Variants in INPP4B observed in about 807,000 individuals in gnomAD.
INPP4B encodes the protein inositol polyphosphate-4-phosphatase type II B.
A neutral mutation model predicts 122.5 loss-of-function variants in INPP4B; 55 were observed. That is an observed-to-expected ratio of 0.45 (90% CI 0.36 to 0.56). The LOEUF (loss-of-function observed/expected upper bound fraction) is 0.56. Among genes scored for constraint, INPP4B ranks in the 20% least tolerant of loss-of-function variants. The probability of loss-of-function intolerance (pLI) is 0.00; values close to 1 mark genes in which losing one functional copy is unlikely to be tolerated. For missense variants in INPP4B, 1,000 were observed against 1,097.7 expected (o/e 0.91, Z 1.26); for synonymous variants, 403 against 388.7 (o/e 1.04, Z -0.43).
Position 142,475,389 on chromosome 4 carries a change from G to GA in INPP4B, c.-190-12664dup, listed in dbSNP as rs978504609. On this transcript the variant is annotated intron_variant, in intron 2 of 25. Transcript: ENST00000262992. The stretch of plus-strand genomic sequence containing the variant: ...AAGGAATATCAGCTCACACAGATGA[G>GA]AAAAAAAAAACAGTGCAAAATTCTG... Among the ~76,000 whole-genome samples the GA allele has an allele frequency of 1.7e-3, 256 of 148,266 alleles. 2 individuals are homozygous for GA. The highest frequency in any genetic ancestry group is 4.0e-3 in the Admixed American group (59 of 14,834).
chr4:142,845,042 G>A (rs1784016908), intron 1 of INPP4B, among the ~76,000 whole-genome samples: 1 of 152,142 alleles, frequency 6.6e-6, no homozygotes, highest in Non-Finnish European at 1.5e-5. Flanking sequence ...GAAAGAGAAA[G>A]GAAAACTAGT....
chr4:142,107,388 GCTT>G (rs1269454864), intron 23 of INPP4B, among the ~76,000 whole-genome samples: 7 of 152,070 alleles, frequency 4.6e-5, no homozygotes, highest in African/African-American at 1.4e-4. Context: ...TTAAAACTTA[GCTT>G]CTTATCATTG....
intron 1 of INPP4B, among the ~76,000 whole-genome samples, chr4:142,831,609 A>G (rs541191721): frequency 5.3e-5 from 8 of 152,348 alleles, no homozygotes; most frequent in African/African-American, 1.7e-4. Flanking sequence ...TGTGTTTTCA[A>G]TGAATTATGA....
intron 2 of INPP4B, among the ~76,000 whole-genome samples, chr4:142,468,610 G>A (rs991836767): frequency 6.6e-6 from 1 of 152,008 alleles, no homozygotes; most frequent in Non-Finnish European, 1.5e-5. Flanking sequence ...GTTTCCACAA[G>A]AGCTGATTCT....
chr4:142,563,461 T>A (rs1730894069), intron 2 of INPP4B, among the ~76,000 whole-genome samples: 1 of 152,128 alleles, frequency 6.6e-6, no homozygotes, highest in Admixed American at 6.5e-5. Context: ...GGTTTGAAGA[T>A]TAAAATGAAA....
chr4:142,426,596 A>C (rs962330848), intron 5 of INPP4B: 4 of 152,018 alleles, frequency 2.6e-5, no homozygotes, highest in African/African-American at 4.8e-5. Context: ...AGACACTTTT[A>C]GCCAATTAGC....
chr4:142,451,894 G>T (rs962242676), intron 3 of INPP4B, among the ~76,000 whole-genome samples: 1 of 152,140 alleles, frequency 6.6e-6, no homozygotes, highest in African/African-American at 2.4e-5. Flanking sequence ...ATGAAGGGAA[G>T]GGGGTGCTCT....
intron 16 of INPP4B, among the ~76,000 whole-genome samples, chr4:142,161,332 A>G (rs889362752): frequency 6.6e-6 from 1 of 151,996 alleles, no homozygotes; most frequent in Non-Finnish European, 1.5e-5. Flanking sequence ...TGAAATGTTT[A>G]ACAGTTTCAC....
intron 15 of INPP4B, among the ~76,000 whole-genome samples, chr4:142,190,201 A>AT (rs1333982168): frequency 0.011 from 296 of 26,514 alleles, 1 homozygote; most frequent in African/African-American, 0.02. Context: ...TTGTTTGTTT[A>AT]TTTTTGTTTT....
intron 9 of INPP4B, among the ~76,000 whole-genome samples, chr4:142,302,914 T>C (rs3775690): frequency 0.2 from 30,587 of 152,024 alleles, 3,852 homozygotes; most frequent in African/African-American, 0.35. Flanking sequence ...ATTTGAGATG[T>C]TAGGACACTC....
intron 9 of INPP4B, among the ~76,000 whole-genome samples, chr4:142,299,522 GTTTT>G (rs71586276): frequency 7.2e-6 from 1 of 138,252 alleles, no homozygotes; most frequent in Non-Finnish European, 1.6e-5. Context: ...GAAGTTTTTA[GTTTT>G]TTTTTTTTTT....
intron 7 of INPP4B, chr4:142,347,539 T>A: frequency 2.3e-6 from 1 of 441,858 alleles, no homozygotes; most frequent in Non-Finnish European, 4.5e-6. Flanking sequence ...ACAGTGAAGT[T>A]AATCTGTTGA....
chr4:142,597,290 A>T (rs1272937510), intron 2 of INPP4B, among the ~76,000 whole-genome samples: 1 of 152,224 alleles, frequency 6.6e-6, no homozygotes, highest in Non-Finnish European at 1.5e-5. Flanking sequence ...TCATGTTTCC[A>T]CACATGGACA....
chr4:142,485,024 T>C (rs1821036484), intron 2 of INPP4B, among the ~76,000 whole-genome samples: 2 of 152,108 alleles, frequency 1.3e-5, no homozygotes, highest in African/African-American at 4.8e-5. Flanking sequence ...ATCTGACCAC[T>C]CATCAGAGAA....
Position 142,187,022 on chromosome 4 carries a change from C to T in INPP4B, c.1181+6065G>A, listed in dbSNP as rs912310466. On this transcript the variant is annotated intron_variant, in intron 15 of 25. Coordinates refer to ENST00000262992, the MANE Select transcript of INPP4B (RefSeq NM_001101669.3). ...GTGGGCAGTTTTGGCAGACCTAGCC[C>T]GTATTTGCCAAAATATGAACAGTTA... 1.1e-4 allele frequency among the ~76,000 whole-genome samples: 16 copies of T among 151,836 alleles called. 1 individual carries two copies. The highest frequency in any genetic ancestry group is 1.9e-4 in the East Asian group (1 of 5,172).
chr4:142,063,815 A>G (rs909451162), intron 25 of INPP4B, among the ~76,000 whole-genome samples: 1 of 152,188 alleles, frequency 6.6e-6, no homozygotes, highest in South Asian at 2.1e-4. Flanking sequence ...AATACCCATA[A>G]AAATATTTAT....
intron 7 of INPP4B, among the ~76,000 whole-genome samples, chr4:142,337,618 CT>C (rs963630579): frequency 3.5e-5 from 5 of 144,562 alleles, no homozygotes; most frequent in East Asian, 2.0e-4. Context: ...ATGTTCTGTT[CT>C]TTTTTTTTCC....
intron 11 of INPP4B, among the ~76,000 whole-genome samples, chr4:142,259,368 T>G (rs1367019370): frequency 1.4e-5 from 2 of 143,164 alleles, no homozygotes; most frequent in African/African-American, 2.6e-5. Flanking sequence ...AATAAATAAA[T>G]AAAAAAAAAG....
intron 2 of INPP4B, among the ~76,000 whole-genome samples, chr4:142,657,185 C>T (rs146037630): frequency 3.3e-5 from 5 of 152,160 alleles, no homozygotes; most frequent in Non-Finnish European, 5.9e-5. Flanking sequence ...GAAAAACAAG[C>T]GCTTGGATCT....
Sources: gnomAD v4.1 joint callset for allele counts (sites outside exome capture counted in the v4.1 genomes callset) on GRCh38, gnomAD v4.1.1 for gene constraint, MANE v1.5 for transcripts, NCBI Gene and HGNC (gene_info 2026-07-23, HGNC 2026-07-21) for gene names.